Variants in FBXO30 observed in about 807,000 individuals in gnomAD.
FBXO30 encodes the protein F-box protein 30, also known as F-box only protein 30.
Under a neutral mutation model 58.1 loss-of-function variants are expected in FBXO30, and 21 were observed. The ratio of observed to expected loss-of-function variants is 0.36; its 90% CI spans 0.26 to 0.52. FBXO30 has a LOEUF of 0.52. FBXO30 is among the 20% of genes least tolerant of loss of function. The pLI, the probability that FBXO30 is intolerant of heterozygous loss-of-function variation, is 0.93. For missense variants in FBXO30, 744 were observed against 897.3 expected (o/e 0.83, Z 2.18); for synonymous variants, 309 against 312.4 (o/e 0.99, Z 0.11).
In FBXO30 at chr6:145,800,250, T is replaced by G. The variant is rs746929294; in HGVS notation, c.2094A>C (p.Leu698=). ...ATTTCTTCAAGTGGTCTGCCATGCT[T>G]AGGATGTCAGCAAATTTCCATTCAT... ...SVNEWKFADI[L]SMADHLKKCS... Residue 698 remains leucine, a synonymous_variant, in exon 3 of 3, where the codon CTA becomes CTC. Coordinates refer to ENST00000237281, the MANE Select transcript of FBXO30 (RefSeq NM_032145.5). 4.3e-6 allele frequency: 7 copies of G among 1,612,910 alleles called. No individual in the cohort carries two copies. Among genetic ancestry groups the G allele is most frequent in the Non-Finnish European group, 5.9e-6 (7 of 1,179,332 alleles).
Position 145,793,874 on chromosome 6 carries a change from AAATT to A in FBXO30, c.*6228_*6231del. On this transcript the variant is annotated 3_prime_UTR_variant, in exon 3 of 3. Transcript: ENST00000237281. ...AGATTTGTCATGTTACTAATGCTAT[AAATT>A]AATTCTAAACCACGGTTTGGGCATT... 6.6e-6 allele frequency: 1 copy of A among 152,222 alleles called. No individual in the cohort carries two copies. The highest frequency in any genetic ancestry group is 2.1e-4 in the South Asian group (1 of 4,832). 9.4% of individuals were successfully genotyped at this position (152,222 alleles called of 1,614,324 possible). A position where few individuals can be genotyped will look rare whatever the true frequency, so the allele number is the denominator to read the frequency against.
intron 1 of FBXO30, among the ~76,000 whole-genome samples, chr6:145,813,318 A>AT (rs201253834): frequency 1.3e-5 from 2 of 151,448 alleles, no homozygotes; most frequent in Non-Finnish European, 2.9e-5. Flanking sequence ...CATTTCCAGA[A>AT]TTAAAAAAAA....
chr6:145,803,895 T>G (rs934994308), intron 2 of FBXO30, among the ~76,000 whole-genome samples: 11 of 152,152 alleles, frequency 7.2e-5, no homozygotes, highest in Admixed American at 7.2e-4. Context: ...ATGACCACAG[T>G]AGTAGTTGTA....
rs1311550042 is a variant in FBXO30 at position 145,800,081 on chromosome 6, A to G, written c.*25T>C. On this transcript the variant is annotated 3_prime_UTR_variant, in exon 3 of 3. Transcript: ENST00000237281. Reference sequence around the variant, plus strand: ...AAGAAATTATACTAGGTGCTTGCATATATGTGCTAGTAATATTACAACTTT... The same window carrying G: ...AAGAAATTATACTAGGTGCTTGCATGTATGTGCTAGTAATATTACAACTTT... 6 of 1,553,890 alleles carry G rather than the reference A, an allele frequency of 3.9e-6. No homozygotes were observed. The highest frequency in any genetic ancestry group is 1.7e-5 in the Admixed American group (1 of 59,426).
In FBXO30 at chr6:145,805,402, G is replaced by A. The variant is rs1326777139; in HGVS notation, c.1004C>T (p.Ala335Val). The change falls in exon 2 of 3, where the codon GCA becomes GTA. Residue 335 changes from alanine to valine, a missense_variant. Ala to Val is a moderately conservative substitution (Grantham distance 64). Transcript: ENST00000237281. ...SKPSSSLAVA[A>V]QLREIIPSSA... ...GGATGGTATTATTTCCCTAAGTTGT[G>A]CTGCCACCGCAAGTGAGCTGGAAGG... The A allele has an allele frequency of 3.7e-6, 6 of 1,613,986 alleles. No individual in the cohort carries two copies. Among genetic ancestry groups the A allele is most frequent in the Non-Finnish European group, 5.1e-6 (6 of 1,179,960 alleles).
Position 145,798,929 on chromosome 6 carries a change from G to T in FBXO30, c.*1177C>A, listed in dbSNP as rs1777919754. ...CCTTTGCAATTTATTTCTAAATACT[G>T]ATATATTCATTTTTTAAGCAGACCA... On this transcript the variant is annotated 3_prime_UTR_variant, in exon 3 of 3. Coordinates refer to ENST00000237281, the MANE Select transcript of FBXO30 (RefSeq NM_032145.5). 1 of 151,940 alleles carries T rather than the reference G, an allele frequency of 6.6e-6. No individual in the cohort carries two copies. The highest frequency in any genetic ancestry group is 1.5e-5 in the Non-Finnish European group (1 of 67,926). The allele number at this position is 151,940 out of a possible 1,614,324, so 9.4% of individuals were successfully genotyped here. A position where few individuals can be genotyped will look rare whatever the true frequency, so the allele number is the denominator to read the frequency against.
chr6:145,806,760 A>G lies in FBXO30; in HGVS notation c.-16-339T>C, dbSNP rs1778183785. Among the ~76,000 whole-genome samples the G allele has an allele frequency of 2.0e-5, 3 of 152,324 alleles. No homozygotes were observed. The South Asian group carries it at 6.2e-4, about 32-fold the overall frequency. ...TAATGTTAAAAACAAGTTAATGTGTATTTTAGATTTCAGAGTGTTTTTCAC... is the reference window on the plus strand; with the variant it reads ...TAATGTTAAAAACAAGTTAATGTGTGTTTTAGATTTCAGAGTGTTTTTCAC... On this transcript the variant is annotated intron_variant, in intron 1 of 2. Coordinates refer to ENST00000237281, the MANE Select transcript of FBXO30 (RefSeq NM_032145.5).
chr6:145,799,898 G>A lies in FBXO30; in HGVS notation c.*208C>T, dbSNP rs1583189769. 2 of 402,936 alleles carry A rather than the reference G, an allele frequency of 5.0e-6. No homozygotes were observed. The highest frequency in any genetic ancestry group is 8.9e-6 in the Non-Finnish European group (2 of 225,166). The allele number at this position is 402,936 out of a possible 1,614,324, so 25.0% of individuals were successfully genotyped here. A position where few individuals can be genotyped will look rare whatever the true frequency, so the allele number is the denominator to read the frequency against. On this transcript the variant is annotated 3_prime_UTR_variant, in exon 3 of 3. Transcript: ENST00000237281. ...AAAATTAAATCACCCTGTCCAGCAA[G>A]TTCCAAAAATTTCACACATTTCAAA...
intron 1 of FBXO30, chr6:145,809,878 T>C (rs1358393133): frequency 1.3e-5 from 2 of 152,192 alleles, no homozygotes. Flanking sequence ...CTGATCAACA[T>C]CCATGGACAA....
In FBXO30 at chr6:145,804,657, A is replaced by T. The variant is rs3811102; in HGVS notation, c.1749T>A (p.His583Gln). ...IQGAKIIHDR[H>Q]LRSFGVQPCV... ...ATGGCTGAACTCCAAATGACCTCAA[A>T]TGGCGGTCATGTATAATCTTTGCTC... Residue 583 changes from histidine (H) to glutamine (Q), a missense_variant, in exon 2 of 3, where the codon CAT (histidine) becomes CAA (glutamine). Around this residue, in one of 3 missense-constraint regions of FBXO30, gnomAD observed 334 missense variants for 433.7 expected, o/e 0.77. Coordinates refer to ENST00000237281, the MANE Select transcript of FBXO30 (RefSeq NM_032145.5). 0.4 allele frequency: 642,632 copies of T among 1,613,618 alleles called. 131,924 individuals carry two copies. The highest frequency in any genetic ancestry group is 0.48 in the South Asian group (43,731 of 91,068).
chr6:145,807,975 CA>C (rs1226672523), intron 1 of FBXO30, among the ~76,000 whole-genome samples: 1 of 151,422 alleles, frequency 6.6e-6, no homozygotes, highest in Non-Finnish European at 1.5e-5. Context: ...AAAATAAAAA[CA>C]AAAAAATTAG....
chr6:145,805,192 G>A lies in FBXO30; in HGVS notation c.1214C>T (p.Ala405Val), dbSNP rs1440565405. 5.6e-6 allele frequency: 9 copies of A among 1,613,914 alleles called. No homozygotes were observed. Among genetic ancestry groups the A allele is most frequent in the Non-Finnish European group, 7.6e-6 (9 of 1,179,972 alleles). The change falls in exon 2 of 3, where the codon GCA becomes GTA. Residue 405 changes from alanine (A) to valine (V), a missense_variant. By Grantham distance (64) the Ala-to-Val change is moderately conservative (BLOSUM62 0). This residue lies in a region of FBXO30 where 334 missense variants were observed against 433.7 expected (regional missense o/e 0.77). Transcript: ENST00000237281. ...SCWSKPKEDK[A>V]VDTSDLEVAE... ...AACTTCCAAATCTGATGTATCTACT[G>A]CTTTATCTTCCTTTGGTTTAGACCA...
chr6:145,814,483 C>T (rs1214568985), intron 1 of FBXO30, 120 bp downstream of exon 1: 1 of 151,926 alleles, frequency 6.6e-6, no homozygotes, highest in Non-Finnish European at 1.5e-5. Context: ...CCGTCAACCC[C>T]ACGGCCGCCA....
chr6:145,800,426 A>C, intron 2 of FBXO30, 117 bp from the exon 3 acceptor site: 1 of 718,818 alleles, frequency 1.4e-6, no homozygotes, highest in Non-Finnish European at 2.2e-6. Context: ...ATAAAGTTTC[A>C]AATAGCTATA....
chr6:145,804,216 A>G (rs1047262786), intron 2 of FBXO30, among the ~76,000 whole-genome samples, 156 bp downstream of exon 2: 7 of 152,208 alleles, frequency 4.6e-5, no homozygotes, highest in African/African-American at 1.7e-4. Context: ...ATCCTAGTTC[A>G]TTATTAATTA....
chr6:145,795,999 A>G lies in FBXO30; in HGVS notation c.*4107T>C, dbSNP rs1321646039. ...CTTTCCAAAGCAGTAGGAATCAAATATCCTAGGCAACATTTTCCAAATTTC... is the reference window on the plus strand; with the variant it reads ...CTTTCCAAAGCAGTAGGAATCAAATGTCCTAGGCAACATTTTCCAAATTTC... On this transcript the variant is annotated 3_prime_UTR_variant, in exon 3 of 3. Transcript: ENST00000237281. The G allele has an allele frequency of 6.6e-6, 1 of 151,898 alleles. No homozygotes were observed. Among genetic ancestry groups the G allele is most frequent in the Admixed American group, 6.6e-5 (1 of 15,226 alleles). The allele number at this position is 151,898 out of a possible 1,614,324, so 9.4% of individuals were successfully genotyped here. A position where few individuals can be genotyped will look rare whatever the true frequency, so the allele number is the denominator to read the frequency against.
chr6:145,800,933 G>C (rs1777977177), intron 2 of FBXO30, among the ~76,000 whole-genome samples: 2 of 152,126 alleles, frequency 1.3e-5, no homozygotes, highest in South Asian at 4.2e-4. Flanking sequence ...TCCTATTTTA[G>C]TCCATATCAT....
chr6:145,814,509 T>TCCCGGCCGCGGCCTCAAACTG (rs1178676566), intron 1 of FBXO30, 94 bp downstream of exon 1: 4 of 151,720 alleles, frequency 2.6e-5, no homozygotes, highest in Admixed American at 6.6e-5. Context: ...AGCGCCTCGG[T>TCCCGGCCGCGGCCTCAAACTG]CCCGGCCGCG....
chr6:145,804,444 A>C lies in FBXO30; in HGVS notation c.1962T>G (p.Arg654=). Residue 654 remains arginine, a synonymous_variant, in exon 2 of 3, where the codon CGT becomes CGG. Transcript: ENST00000237281. ...TCCCCCACTGCAGTATGACCATGCC[A>C]CGAGACTGAAGCAGGCTGCCACACA... ...RDVCGSLLQS[R]GMVILQWGKR... The C allele has an allele frequency of 6.2e-7, 1 of 1,613,736 alleles. No homozygotes were observed. The highest frequency in any genetic ancestry group is 1.3e-5 in the African/African-American group (1 of 75,002).
Sources: allele counts gnomAD v4.1 joint callset (sites outside exome capture counted in the v4.1 genomes callset), GRCh38; gene constraint gnomAD v4.1.1; regional missense constraint gnomAD v4.1.1; transcripts MANE v1.5; gene names NCBI Gene and HGNC (gene_info 2026-07-23, HGNC 2026-07-21).